The following LINGO2 variants were observed in gnomAD, a reference collection of about 807,000 sequenced individuals.
LINGO2 encodes the protein leucine-rich repeat and immunoglobulin-like domain-containing nogo receptor-interacting protein 2.
Under a neutral mutation model 30.6 loss-of-function variants are expected in LINGO2, and 14 were observed. The ratio of observed to expected loss-of-function variants is 0.46; its 90% CI spans 0.30 to 0.72. LINGO2 has a LOEUF of 0.72. LINGO2 is among the 30% of genes least tolerant of loss of function. The probability of loss-of-function intolerance (pLI) is 0.07; values close to 1 mark genes in which losing one functional copy is unlikely to be tolerated. For synonymous variants in LINGO2, 317 were observed against 288.5 expected, an observed-to-expected ratio of 1.10 and a Z score of -1.00; for missense variants, 729 against 751.7, an observed-to-expected ratio of 0.97 and a Z score of 0.35.
At chr9:28,234,991 T>C (rs1039731776) in intron 4 of LINGO2, among the ~76,000 whole-genome samples, 1 of 152,204 alleles carries the variant, frequency 6.6e-6, no homozygotes, top group Non-Finnish European at 1.5e-5. Context: ...CTCCAATCCC[T>C]GGCTTCCACA....
chr9:28,262,352 G>C (rs554701119), intron 4 of LINGO2, among the ~76,000 whole-genome samples: 26 of 151,850 alleles, frequency 1.7e-4, no homozygotes, highest in African/African-American at 6.3e-4. Context: ...ATCTATTATA[G>C]CTTCAATGAC....
At chr9:28,978,411 A>T in the LINGO2 span, among the ~76,000 whole-genome samples, 1 of 152,132 alleles carries the variant, frequency 6.6e-6, no homozygotes, top group Admixed American at 6.6e-5. Context: ...GGTATGTTGT[A>T]GCAGTTATTG....
chr9:28,494,249 G>C (rs1021190152), intron 1 of LINGO2, among the ~76,000 whole-genome samples: 1 of 152,026 alleles, frequency 6.6e-6, no homozygotes, highest in East Asian at 1.9e-4. Context: ...TTAAGCACTA[G>C]GGTACATGTA....
At chr9:28,800,716 T>C in the LINGO2 span, among the ~76,000 whole-genome samples, 1,004 of 152,190 alleles carry the variant, frequency 6.6e-3, 7 homozygotes, top group Non-Finnish European at 0.011. Context: ...TATTGAGCCA[T>C]GACAGTAAAC....
At position 28,503,775 on chromosome 9, in the gene LINGO2, G is replaced by A. The variant is rs561668220; in HGVS notation, c.-364-27750C>T. Among the ~76,000 whole-genome samples the A allele has an allele frequency of 5.4e-4, 82 of 151,998 alleles. 1 individual carries two copies. The highest frequency in any genetic ancestry group is 9.7e-4 in the Non-Finnish European group (66 of 67,888). ...CCTGCCACATCTTCCCGAGGTATGA[G>A]TCAGAATGTTGGTGGTGAGCAGGAG... On this transcript the variant is annotated intron_variant, in intron 1 of 5. Transcript: ENST00000379992.
chr9:28,047,364 A>ATCTATATCTATATCTATATCT (rs1554665728), intron 4 of LINGO2, among the ~76,000 whole-genome samples: 14 of 151,472 alleles, frequency 9.2e-5, no homozygotes, highest in African/African-American at 2.7e-4. Context: ...TACTGTATGA[A>ATCTATATCTATATCTATATCT]AGATCTACTA....
chr9:28,094,532 A>T (rs530663465), intron 4 of LINGO2, among the ~76,000 whole-genome samples: 4,470 of 150,218 alleles, frequency 0.03, 128 homozygotes, highest in South Asian at 0.086. Flanking sequence ...TGTGTGTGAG[A>T]GAGAGAGAGA....
At position 28,203,631 on chromosome 9, in the gene LINGO2, A is replaced by G. The variant is rs186479904; in HGVS notation, c.-87+91577T>C. 4.2e-4 allele frequency among the ~76,000 whole-genome samples: 64 copies of G among 152,334 alleles called. No individual in the cohort carries two copies. The East Asian group carries it at 0.012, about 29-fold the overall frequency. The stretch of plus-strand genomic sequence containing the variant: ...ACTCATAGGAAGTATATATTATGAA[A>G]ATAAGATAAAATAATAAACAGCATC... On this transcript the variant is annotated intron_variant, in intron 4 of 5. Coordinates refer to ENST00000379992, the Ensembl canonical transcript of LINGO2.
chr9:28,419,221 C>A (rs1384378842), intron 2 of LINGO2, among the ~76,000 whole-genome samples: 2 of 152,040 alleles, frequency 1.3e-5, no homozygotes, highest in Non-Finnish European at 2.9e-5. Context: ...TTCCGATCAG[C>A]AAATAGTATA....
chr9:28,632,036 C>T (rs1826966247), intron 1 of LINGO2, among the ~76,000 whole-genome samples: 1 of 152,024 alleles, frequency 6.6e-6, no homozygotes, highest in Non-Finnish European at 1.5e-5. Context: ...TGTCAACATC[C>T]AGTGTTGCAG....
the LINGO2 span, among the ~76,000 whole-genome samples, chr9:29,114,424 TTA>T: frequency 3.5e-5 from 5 of 143,738 alleles, no homozygotes; most frequent in African/African-American, 1.0e-4. Flanking sequence ...TTATTATACT[TTA>T]TGTTTTAGGA....
At chr9:28,002,845 T>C (rs535425860) in intron 5 of LINGO2, among the ~76,000 whole-genome samples, 35 of 152,206 alleles carry the variant, frequency 2.3e-4, no homozygotes, top group African/African-American at 8.4e-4. Flanking sequence ...TAGATGTGCA[T>C]GTTAGCTGCG....
rs10968283 is a variant in LINGO2, at chr9:28,014,029, A to G, written c.-86-1624T>C. Among the ~76,000 whole-genome samples the G allele has an allele frequency of 0.015, 2,277 of 152,162 alleles. 242 individuals carry two copies. The East Asian group carries it at 0.29, about 19-fold the overall frequency. On this transcript the variant is annotated intron_variant, in intron 4 of 5. Transcript: ENST00000379992. The stretch of plus-strand genomic sequence containing the variant: ...GCAGTGAAGTTCTTCAGGCCCTGAT[A>G]CCTCTCAAGCCCAGATGTCAATCAT...
chr9:29,181,201 T>G, the LINGO2 span, among the ~76,000 whole-genome samples: 1 of 152,182 alleles, frequency 6.6e-6, no homozygotes, highest in Non-Finnish European at 1.5e-5. Context: ...CTTTGAACAA[T>G]TTATCATATG....
intron 2 of LINGO2, among the ~76,000 whole-genome samples, chr9:28,377,153 A>T (rs1412422): frequency 6.6e-6 from 1 of 151,850 alleles, no homozygotes; most frequent in African/African-American, 2.4e-5. Flanking sequence ...TATACATGGA[A>T]ATTTTTCCAT....
intron 4 of LINGO2, among the ~76,000 whole-genome samples, chr9:28,209,951 C>G (rs1055595505): frequency 1.3e-5 from 2 of 151,780 alleles, no homozygotes; most frequent in African/African-American, 4.8e-5. Flanking sequence ...AACTTATCTC[C>G]TTAGCTTTAG....
chr9:29,156,209 C>T, the LINGO2 span, among the ~76,000 whole-genome samples: 1 of 152,032 alleles, frequency 6.6e-6, no homozygotes, highest in African/African-American at 2.4e-5. Context: ...TGTAAAACCA[C>T]AACACAGCCC....
At chr9:28,427,988 C>T (rs1316578983) in intron 2 of LINGO2, among the ~76,000 whole-genome samples, 1 of 150,538 alleles carries the variant, frequency 6.6e-6, no homozygotes, top group Non-Finnish European at 1.5e-5. Flanking sequence ...TAAACAGTAT[C>T]ACATCTGTTT....
the LINGO2 span, among the ~76,000 whole-genome samples, chr9:29,011,409 C>G: frequency 6.6e-6 from 1 of 151,946 alleles, no homozygotes; most frequent in Non-Finnish European, 1.5e-5. Context: ...CTTACTTTCT[C>G]CTTTTTTATC....
Sources: gnomAD v4.1 joint callset for allele counts (sites outside exome capture counted in the v4.1 genomes callset) on GRCh38, gnomAD v4.1.1 for gene constraint, MANE v1.5 for transcripts, NCBI Gene and HGNC (gene_info 2026-07-23, HGNC 2026-07-21) for gene names.